The following CTDSPL variants were observed in gnomAD, a reference collection of about 807,000 sequenced individuals.
CTDSPL encodes CTD small phosphatase-like protein.
A neutral mutation model predicts 30.5 loss-of-function variants in CTDSPL; 8 were observed. The observed-to-expected ratio is 0.26, with a 90% confidence interval of 0.15 to 0.47. CTDSPL has a LOEUF of 0.47. Ranked by LOEUF, CTDSPL falls within the 20% of genes least tolerant of loss-of-function variation. The pLI, the probability that CTDSPL is intolerant of heterozygous loss-of-function variation, is 0.99. For missense variants in CTDSPL, 248 were observed against 366.1 expected (o/e 0.68, Z 2.63); for synonymous variants, 110 against 137.9 (o/e 0.80, Z 1.42).
At position 37,878,898 on chromosome 3, in the gene CTDSPL, TA is replaced by T. The variant is rs369299330; in HGVS notation, c.79+16625del. On this transcript the variant is annotated intron_variant, in intron 1 of 7. Coordinates refer to ENST00000273179, the MANE Select transcript of CTDSPL (RefSeq NM_001008392.2). ...TTTAAACTGTAATTATGCAATAGTA[TA>T]AAAATGATGACTGTCTTAATAGGGT... 8.3e-4 allele frequency among the ~76,000 whole-genome samples: 127 copies of T among 152,306 alleles called. 1 individual carries two copies. Among genetic ancestry groups the T allele is most frequent in the East Asian group, 7.5e-3 (39 of 5,182 alleles).
chr3:37,980,772 A>G lies in CTDSPL; in HGVS notation c.736A>G (p.Thr246Ala). ...TGTGCAGTCCTGGTTCGATGACATG[A>G]CGGACACGGAGCTGCTGGACCTCAT... ...VPVQSWFDDMTDTELLDLIPF... is the reference protein window; with the variant it reads ...VPVQSWFDDMADTELLDLIPF... The change falls in exon 8 of 8, where the codon ACG (threonine) becomes GCG (alanine). Residue 246 changes from threonine to alanine, a missense_variant. By Grantham distance (58) the Thr-to-Ala change is moderately conservative (BLOSUM62 0). Coordinates refer to ENST00000273179, the MANE Select transcript of CTDSPL (RefSeq NM_001008392.2). 2.5e-6 allele frequency: 4 copies of G among 1,614,176 alleles called. No homozygotes were observed. The highest frequency in any genetic ancestry group is 3.4e-6 in the Non-Finnish European group (4 of 1,180,022).
intron 1 of CTDSPL, among the ~76,000 whole-genome samples, chr3:37,938,486 A>C (rs1220143818): frequency 6.7e-6 from 1 of 150,092 alleles, no homozygotes; most frequent in Non-Finnish European, 1.5e-5. Context: ...CAGGAAGTAC[A>C]AGAGAAATGC....
At chr3:37,874,590 C>T (rs928293269) in intron 1 of CTDSPL, among the ~76,000 whole-genome samples, 5 of 152,052 alleles carry the variant, frequency 3.3e-5, no homozygotes, top group South Asian at 2.1e-4. Flanking sequence ...ATGAGCTGGG[C>T]GTGGTGGCAC....
chr3:37,901,644 C>T (rs1200855109), intron 1 of CTDSPL, among the ~76,000 whole-genome samples: 1 of 152,140 alleles, frequency 6.6e-6, no homozygotes, highest in African/African-American at 2.4e-5. Context: ...TGTTACTTTG[C>T]AGACCTCTTG....
At chr3:37,916,399 C>T (rs1398055781) in intron 1 of CTDSPL, among the ~76,000 whole-genome samples, 3 of 152,042 alleles carry the variant, frequency 2.0e-5, no homozygotes, top group Non-Finnish European at 4.4e-5. Context: ...AGTCCTAGCC[C>T]CTAGTACTTC....
At chr3:37,887,943 A>G (rs1187322759) in intron 1 of CTDSPL, among the ~76,000 whole-genome samples, 2 of 152,216 alleles carry the variant, frequency 1.3e-5, no homozygotes, top group African/African-American at 4.8e-5. Flanking sequence ...ATATACAGCA[A>G]TTCCACATTT....
chr3:37,894,435 C>T (rs1275108766), intron 1 of CTDSPL, among the ~76,000 whole-genome samples: 4 of 151,906 alleles, frequency 2.6e-5, no homozygotes, highest in East Asian at 1.9e-4. Context: ...GCTGTTATAA[C>T]GATCTCCTGG....
At chr3:37,968,579 G>T in intron 5 of CTDSPL, 1 of 220,882 alleles carries the variant, frequency 4.5e-6, no homozygotes, top group East Asian at 1.3e-4. Flanking sequence ...TTTTCCACAG[G>T]GATGATCTAA....
intron 2 of CTDSPL, among the ~76,000 whole-genome samples, chr3:37,950,799 A>G (rs1175914783): frequency 6.6e-6 from 1 of 152,248 alleles, no homozygotes; most frequent in Non-Finnish European, 1.5e-5. Context: ...AAGGACAAAG[A>G]GAAAGTCTTA....
At chr3:37,895,182 G>A (rs1446485200) in intron 1 of CTDSPL, among the ~76,000 whole-genome samples, 5 of 152,098 alleles carry the variant, frequency 3.3e-5, no homozygotes, top group East Asian at 1.9e-4. Flanking sequence ...CAGGTTTTCC[G>A]GGAAGTGAGG....
chr3:37,980,339 G>A (rs913888096), intron 7 of CTDSPL, among the ~76,000 whole-genome samples: 4 of 152,198 alleles, frequency 2.6e-5, no homozygotes, highest in African/African-American at 4.8e-5. Context: ...TGTGAGCTCC[G>A]CGCTGTCAGT....
chr3:37,938,166 G>A (rs909790510), intron 1 of CTDSPL, among the ~76,000 whole-genome samples: 1 of 149,748 alleles, frequency 6.7e-6, no homozygotes, highest in Admixed American at 6.7e-5. Flanking sequence ...GGTGTGTGGG[G>A]TGCTGGGAGT....
intron 1 of CTDSPL, among the ~76,000 whole-genome samples, chr3:37,944,446 G>A (rs1559640509): frequency 6.7e-6 from 1 of 150,188 alleles, no homozygotes; most frequent in East Asian, 1.9e-4. Context: ...AGCAAATCAA[G>A]GACCTTCTGG....
At chr3:37,932,724 G>C (rs907160813) in intron 1 of CTDSPL, among the ~76,000 whole-genome samples, 3 of 152,224 alleles carry the variant, frequency 2.0e-5, no homozygotes, top group Non-Finnish European at 4.4e-5. Flanking sequence ...GGGTGGGAGT[G>C]TACACTAGCA....
At chr3:37,949,743 G>A (rs1316204687) in intron 2 of CTDSPL, among the ~76,000 whole-genome samples, 1 of 152,196 alleles carries the variant, frequency 6.6e-6, no homozygotes, top group Non-Finnish European at 1.5e-5. Flanking sequence ...TGGATGTATA[G>A]AAGGGAATTC....
At chr3:37,924,471 G>T (rs981441942) in intron 1 of CTDSPL, among the ~76,000 whole-genome samples, 1 of 152,166 alleles carries the variant, frequency 6.6e-6, no homozygotes, top group Non-Finnish European at 1.5e-5. Flanking sequence ...TTCCAACAAT[G>T]GTGTACAAGA....
At chr3:37,918,902 A>G (rs1698679688) in intron 1 of CTDSPL, among the ~76,000 whole-genome samples, 1 of 152,208 alleles carries the variant, frequency 6.6e-6, no homozygotes, top group Non-Finnish European at 1.5e-5. Context: ...ATAAGAAAAC[A>G]CTAAGGGACA....
At chr3:37,909,115 A>ATTT (rs1230808453) in intron 1 of CTDSPL, among the ~76,000 whole-genome samples, 1 of 152,210 alleles carries the variant, frequency 6.6e-6, no homozygotes, top group Non-Finnish European at 1.5e-5. Context: ...AAAAATGAAG[A>ATTT]TACCCTTTTG....
At chr3:37,957,907 T>A (rs1348366930) in intron 3 of CTDSPL, among the ~76,000 whole-genome samples, 1 of 152,180 alleles carries the variant, frequency 6.6e-6, no homozygotes, top group Non-Finnish European at 1.5e-5. Flanking sequence ...CAAAAGAAAT[T>A]TACAGTTGAG....
Sources: allele counts gnomAD v4.1 joint callset (sites outside exome capture counted in the v4.1 genomes callset), GRCh38; gene constraint gnomAD v4.1.1; transcripts MANE v1.5; gene names NCBI Gene and HGNC (gene_info 2026-07-23, HGNC 2026-07-21).